The following RANBP9 variants were observed in gnomAD, a reference collection of about 807,000 sequenced individuals.
RANBP9 encodes the protein RAN binding protein 9.
A neutral mutation model predicts 84.3 loss-of-function variants in RANBP9; 15 were observed. The ratio of observed to expected loss-of-function variants is 0.18; its 90% CI spans 0.12 to 0.27. The LOEUF is 0.27. Among genes scored for constraint, RANBP9 ranks in the 10% least tolerant of loss-of-function variants. The probability of loss-of-function intolerance (pLI) is 1.00; values close to 1 mark genes in which losing one functional copy is unlikely to be tolerated. For synonymous variants in RANBP9, 392 were observed against 349.6 expected (o/e 1.12, Z -1.35); for missense variants, 809 against 912.8 (o/e 0.89, Z 1.46).
At chr6:13,677,260 CA>C (rs1228332776) in intron 2 of RANBP9, among the ~76,000 whole-genome samples, 2 of 151,810 alleles carry the variant, frequency 1.3e-5, no homozygotes, top group Non-Finnish European at 2.9e-5. Context: ...TTAGCACCAA[CA>C]AAAAGGAAAT....
chr6:13,668,154 A>T (rs1215089683), intron 2 of RANBP9, among the ~76,000 whole-genome samples: 2 of 152,144 alleles, frequency 1.3e-5, no homozygotes, highest in African/African-American at 4.8e-5. Flanking sequence ...ATAAGAAAAC[A>T]ATTATTAAAT....
intron 4 of RANBP9, among the ~76,000 whole-genome samples, chr6:13,656,744 T>C (rs1765409119): frequency 6.6e-6 from 1 of 152,180 alleles, no homozygotes; most frequent in East Asian, 1.9e-4. Flanking sequence ...CACACTATCC[T>C]AACAACTGAC....
At chr6:13,673,016 T>C (rs868427654) in intron 2 of RANBP9, among the ~76,000 whole-genome samples, 3 of 152,162 alleles carry the variant, frequency 2.0e-5, no homozygotes, top group South Asian at 2.1e-4. Flanking sequence ...TTTTCCAAAA[T>C]TAATGACAGA....
intron 13 of RANBP9, among the ~76,000 whole-genome samples, chr6:13,623,841 T>C (rs1764526921): frequency 6.6e-6 from 1 of 152,238 alleles, no homozygotes; most frequent in African/African-American, 2.4e-5. Flanking sequence ...CTACATAATA[T>C]AGCACAATAT....
At chr6:13,629,581 C>T (rs1764717607) in intron 12 of RANBP9, among the ~76,000 whole-genome samples, 1 of 152,132 alleles carries the variant, frequency 6.6e-6, no homozygotes, top group African/African-American at 2.4e-5. Flanking sequence ...TAGGGTGACT[C>T]TAAATGGTTC....
intron 2 of RANBP9, among the ~76,000 whole-genome samples, chr6:13,676,950 A>G (rs1005811641): frequency 3.3e-5 from 5 of 152,200 alleles, no homozygotes; most frequent in Non-Finnish European, 5.9e-5. Context: ...TAAGACCAGG[A>G]AAAAGGCAGA....
chr6:13,684,027 A>G (rs545750010), intron 2 of RANBP9, among the ~76,000 whole-genome samples: 4 of 152,180 alleles, frequency 2.6e-5, no homozygotes, highest in African/African-American at 7.2e-5. Context: ...TCCAAGACTC[A>G]CATTCTGTTC....
intron 1 of RANBP9, among the ~76,000 whole-genome samples, chr6:13,709,051 T>G (rs1189139982): frequency 6.6e-6 from 1 of 152,156 alleles, no homozygotes; most frequent in Non-Finnish European, 1.5e-5. Flanking sequence ...CAACAGAAAG[T>G]AATAAAGAGG....
chr6:13,693,435 A>C (rs1245147830), intron 2 of RANBP9, among the ~76,000 whole-genome samples: 1 of 152,184 alleles, frequency 6.6e-6, no homozygotes, highest in Non-Finnish European at 1.5e-5. Flanking sequence ...AGGAACTCTC[A>C]TACACTGCTG....
At chr6:13,696,724 A>C in intron 2 of RANBP9, 61 bp downstream of exon 2, 1 of 1,384,994 alleles carries the variant, frequency 7.2e-7, no homozygotes, top group Admixed American at 2.0e-5. Context: ...ATTACATCAT[A>C]AACATTATGA....
At chr6:13,687,565 A>C (rs948340542) in intron 2 of RANBP9, among the ~76,000 whole-genome samples, 3 of 152,122 alleles carry the variant, frequency 2.0e-5, no homozygotes, top group Admixed American at 6.6e-5. Context: ...TTCTAAGACA[A>C]AAGCTAGGGA....
chr6:13,699,785 T>C (rs1027455908), intron 1 of RANBP9, among the ~76,000 whole-genome samples: 3 of 152,062 alleles, frequency 2.0e-5, no homozygotes, highest in Non-Finnish European at 4.4e-5. Context: ...TCGCTTGAAC[T>C]TGGGAGGCAG....
intron 5 of RANBP9, 72 bp downstream of exon 5, chr6:13,652,587 A>G: frequency 7.4e-7 from 1 of 1,354,040 alleles, no homozygotes; most frequent in Non-Finnish European, 1.0e-6. Context: ...AACTTTCTAA[A>G]TATGCCCAGT....
At chr6:13,635,842 T>C (rs891104808) in intron 10 of RANBP9, among the ~76,000 whole-genome samples, 3 of 151,688 alleles carry the variant, frequency 2.0e-5, no homozygotes, top group Non-Finnish European at 2.9e-5. Flanking sequence ...CAGTTTAGTA[T>C]TTGGAAGGAA....
chr6:13,649,872 G>A (rs1214524566), intron 5 of RANBP9, among the ~76,000 whole-genome samples: 2 of 151,922 alleles, frequency 1.3e-5, no homozygotes, highest in Admixed American at 1.3e-4. Flanking sequence ...TCTTGTCCAG[G>A]TCACCAACGA....
chr6:13,633,382 A>G (rs139311351), intron 11 of RANBP9, among the ~76,000 whole-genome samples: 665 of 152,360 alleles, frequency 4.4e-3, no homozygotes, highest in African/African-American at 0.015. Context: ...TTAACTGTAT[A>G]AATTACTTAT....
intron 13 of RANBP9, among the ~76,000 whole-genome samples, chr6:13,624,277 T>C (rs1764537461): frequency 6.6e-6 from 1 of 152,260 alleles, no homozygotes; most frequent in Admixed American, 6.5e-5. Context: ...ATGCTTTTCA[T>C]TGCTTCCTTT....
rs1471091633 is a variant in RANBP9, at chr6:13,711,042, T to A, written c.464A>T (p.Tyr155Phe). 1 of 1,593,860 alleles carries A rather than the reference T, an allele frequency of 6.3e-7. No individual in the cohort carries two copies. Among genetic ancestry groups the A allele is most frequent in the Admixed American group, 1.7e-5 (1 of 57,540 alleles). Residue 155 changes from tyrosine (Y) to phenylalanine (F), a missense_variant, in exon 1 of 14, where the codon TAC (tyrosine) becomes TTC (phenylalanine). Physicochemically the swap from Tyr to Phe is conservative, Grantham distance 22. Around this residue, in one of 5 missense-constraint regions of RANBP9, gnomAD observed 302 missense variants for 240.1 expected, o/e 1.26. Transcript: ENST00000011619. ...CGTCTCTTGTTCGTCCACGGCCGGG[T>A]AGAGACGCTTCAGCCGCCGCTGCAA... is the stretch of plus-strand genomic sequence containing the variant. Reference protein sequence around the residue: ...KELQRRLKRLYPAVDEQETPL... With the variant: ...KELQRRLKRLFPAVDEQETPL...
At chr6:13,666,599 CCAAAAA>C (rs1393013152) in intron 2 of RANBP9, among the ~76,000 whole-genome samples, 3 of 35,450 alleles carry the variant, frequency 8.5e-5, no homozygotes, top group South Asian at 1.1e-3. Context: ...CCCCGTCTCT[CCAAAAA>C]AAAAAAAAAA....
Sources: gnomAD v4.1 joint callset for allele counts (sites outside exome capture counted in the v4.1 genomes callset) on GRCh38, gnomAD v4.1.1 for gene constraint, gnomAD v4.1.1 regional missense constraint, MANE v1.5 for transcripts, NCBI Gene and HGNC (gene_info 2026-07-23, HGNC 2026-07-21) for gene names.